Variants in KCNC2 observed in about 807,000 individuals in gnomAD.
KCNC2 encodes potassium voltage-gated channel subfamily C member 2.
In KCNC2, 21 loss-of-function variants were observed where a neutral mutation model predicts 44.5. That is an observed-to-expected ratio of 0.47 (90% CI 0.33 to 0.68). The LOEUF is 0.68. Ranked by LOEUF, KCNC2 falls within the 30% of genes least tolerant of loss-of-function variation. The probability of loss-of-function intolerance (pLI) is 0.01; values close to 1 mark genes in which losing one functional copy is unlikely to be tolerated. For missense variants in KCNC2, 589 were observed against 826.2 expected, an observed-to-expected ratio of 0.71 and a Z score of 3.52; for synonymous variants, 391 against 339.1, an observed-to-expected ratio of 1.15 and a Z score of -1.68.
intron 2 of KCNC2, among the ~76,000 whole-genome samples, chr12:75,076,619 A>C (rs1884010557): frequency 6.6e-6 from 1 of 152,166 alleles, no homozygotes; most frequent in Admixed American, 6.6e-5. Flanking sequence ...ACATGTCTTT[A>C]TAATAAATAG....
intron 2 of KCNC2, among the ~76,000 whole-genome samples, chr12:75,068,629 TA>T (rs1883075218): frequency 6.6e-6 from 1 of 152,224 alleles, no homozygotes; most frequent in African/African-American, 2.4e-5. Flanking sequence ...TTTGGACTGA[TA>T]AAAAGCTTAA....
chr12:75,089,552 CAT>C (rs1222566062), intron 2 of KCNC2, among the ~76,000 whole-genome samples: 6 of 151,954 alleles, frequency 3.9e-5, no homozygotes, highest in Non-Finnish European at 7.4e-5. Flanking sequence ...GTTTTATCTA[CAT>C]GTTTCATTAA....
At chr12:75,063,180 A>C (rs1882508743) in intron 2 of KCNC2, among the ~76,000 whole-genome samples, 1 of 152,022 alleles carries the variant, frequency 6.6e-6, no homozygotes, top group African/African-American at 2.4e-5. Context: ...AATTTTAGAG[A>C]TACCAAGCAA....
intron 2 of KCNC2, among the ~76,000 whole-genome samples, chr12:75,081,396 A>G (rs1884490576): frequency 7.0e-6 from 1 of 142,398 alleles, no homozygotes; most frequent in Non-Finnish European, 1.5e-5. Flanking sequence ...AACTGCTACT[A>G]TTTAAACATT....
chr12:75,101,809 T>C (rs1886393769), intron 2 of KCNC2, among the ~76,000 whole-genome samples: 1 of 152,074 alleles, frequency 6.6e-6, no homozygotes, highest in Non-Finnish European at 1.5e-5. Context: ...ATTGCATATA[T>C]ACATTCCTCT....
At chr12:75,188,214 T>C (rs2029875397) in intron 2 of KCNC2, among the ~76,000 whole-genome samples, 5 of 152,184 alleles carry the variant, frequency 3.3e-5, no homozygotes, top group Admixed American at 3.3e-4. Flanking sequence ...GCACTAACTG[T>C]TTCAAAAATT....
In KCNC2 at chr12:75,177,057, T is replaced by TATATATAC. The variant is rs1491339880; in HGVS notation, c.687+30239_687+30240insGTATATAT. ...TTATATATATATATATATATATATA[T>TATATATAC]ACACACACACACTGTACTTCAACTC... On this transcript the variant is annotated intron_variant, in intron 2 of 4. Coordinates refer to ENST00000549446, the MANE Select transcript of KCNC2 (RefSeq NM_139137.4). Among the ~76,000 whole-genome samples the TATATATAC allele has an allele frequency of 3.1e-4, 40 of 127,298 alleles. 1 individual carries two copies. Among genetic ancestry groups the TATATATAC allele is most frequent in the African/African-American group, 1.1e-3 (38 of 33,938 alleles). The allele number at this position is 127,298 out of a possible 152,430, so 83.5% of individuals were successfully genotyped here. A position where few individuals can be genotyped will look rare whatever the true frequency, so the allele number is the denominator to read the frequency against.
intron 2 of KCNC2, among the ~76,000 whole-genome samples, chr12:75,099,160 C>T (rs1262255686): frequency 6.6e-6 from 1 of 152,132 alleles, no homozygotes; most frequent in East Asian, 1.9e-4. Flanking sequence ...AACTGAAATG[C>T]AATAATTTGA....
At chr12:75,128,274 T>C (rs1160542706) in intron 2 of KCNC2, among the ~76,000 whole-genome samples, 1 of 152,150 alleles carries the variant, frequency 6.6e-6, no homozygotes, top group African/African-American at 2.4e-5. Flanking sequence ...CCCCATATGC[T>C]TTAAAAACCT....
At chr12:75,197,746 C>A (rs17195416) in intron 2 of KCNC2, among the ~76,000 whole-genome samples, 11,887 of 151,900 alleles carry the variant, frequency 0.078, 541 homozygotes, top group Admixed American at 0.14. Context: ...ATCCTGACAA[C>A]AACATGCTAC....
intron 2 of KCNC2, among the ~76,000 whole-genome samples, chr12:75,148,627 A>G (rs986773498): frequency 9.9e-5 from 15 of 151,964 alleles, no homozygotes; most frequent in Non-Finnish European, 2.2e-4. Context: ...TTCATGTTAT[A>G]TTTTTTAGGT....
intron 2 of KCNC2, among the ~76,000 whole-genome samples, chr12:75,192,890 T>C (rs934378238): frequency 4.6e-5 from 7 of 152,154 alleles, no homozygotes; most frequent in African/African-American, 1.7e-4. Context: ...TATTTTGAAA[T>C]TGCTAAAAGA....
chr12:75,151,970 C>G (rs1266668314), intron 2 of KCNC2, among the ~76,000 whole-genome samples: 1 of 144,434 alleles, frequency 6.9e-6, no homozygotes, highest in Non-Finnish European at 1.5e-5. Context: ...ATATATTATA[C>G]ATTTATATAT....
At chr12:75,191,777 C>T (rs1011235963) in intron 2 of KCNC2, among the ~76,000 whole-genome samples, 2 of 151,142 alleles carry the variant, frequency 1.3e-5, no homozygotes, top group Admixed American at 6.6e-5. Flanking sequence ...TCTCGATCTC[C>T]TGACCTCATG....
chr12:75,096,817 G>A (rs973368723), intron 2 of KCNC2, among the ~76,000 whole-genome samples: 1 of 151,996 alleles, frequency 6.6e-6, no homozygotes, highest in Non-Finnish European at 1.5e-5. Context: ...AGGTCATAAG[G>A]TTTAGCCCAT....
chr12:75,077,996 C>T (rs1884152909), intron 2 of KCNC2, among the ~76,000 whole-genome samples: 1 of 151,958 alleles, frequency 6.6e-6, no homozygotes, highest in Non-Finnish European at 1.5e-5. Flanking sequence ...TCCCTTTCTA[C>T]CTCAGGACTC....
intron 2 of KCNC2, among the ~76,000 whole-genome samples, chr12:75,066,125 C>G (rs532608244): frequency 6.6e-6 from 1 of 152,172 alleles, no homozygotes; most frequent in South Asian, 2.1e-4. Flanking sequence ...TTTTCACCGT[C>G]TTCTTTATCA....
At chr12:75,100,696 T>C (rs1441076818) in intron 2 of KCNC2, among the ~76,000 whole-genome samples, 2 of 152,078 alleles carry the variant, frequency 1.3e-5, no homozygotes, top group African/African-American at 2.4e-5. Flanking sequence ...GAGAACTTAC[T>C]AGTTAATAGG....
At chr12:75,195,329 T>A (rs2030668293) in intron 2 of KCNC2, among the ~76,000 whole-genome samples, 1 of 152,092 alleles carries the variant, frequency 6.6e-6, no homozygotes, top group Non-Finnish European at 1.5e-5. Context: ...TAGCCTTCTA[T>A]AATTAGGTAG....
Sources: allele counts gnomAD v4.1 joint callset (sites outside exome capture counted in the v4.1 genomes callset), GRCh38; gene constraint gnomAD v4.1.1; transcripts MANE v1.5; gene names NCBI Gene and HGNC (gene_info 2026-07-23, HGNC 2026-07-21).